The following KIF6 variants were observed in gnomAD, a reference collection of about 807,000 sequenced individuals.
KIF6 encodes the protein kinesin-like protein KIF6.
KIF6 carries 106 observed loss-of-function variants against 112.7 expected under a neutral mutation model. That is an observed-to-expected ratio of 0.94 (90% CI 0.80 to 1.11). The LOEUF (loss-of-function observed/expected upper bound fraction) is 1.11. KIF6 is among the 50% of genes least tolerant of loss of function. The probability of loss-of-function intolerance (pLI) is 0.00; values close to 1 mark genes in which losing one functional copy is unlikely to be tolerated. For missense variants in KIF6, 929 were observed against 964.0 expected, an observed-to-expected ratio of 0.96 and a Z score of 0.48; for synonymous variants, 339 against 339.9, an observed-to-expected ratio of 1.00 and a Z score of 0.03.
At chr6:39,462,313 T>A (rs1192261159) in intron 13 of KIF6, among the ~76,000 whole-genome samples, 1 of 152,190 alleles carries the variant, frequency 6.6e-6, no homozygotes, top group African/African-American at 2.4e-5. Context: ...TTATGTAATG[T>A]CTGGAGCTAT....
chr6:39,361,472 C>G (rs1413067817), intron 17 of KIF6, among the ~76,000 whole-genome samples: 1 of 147,304 alleles, frequency 6.8e-6, no homozygotes, highest in Non-Finnish European at 1.5e-5. Flanking sequence ...GGCACGAGAA[C>G]TGCTTGAACC....
chr6:39,698,563 T>A (rs1788686949), intron 3 of KIF6, among the ~76,000 whole-genome samples: 1 of 152,206 alleles, frequency 6.6e-6, no homozygotes, highest in Non-Finnish European at 1.5e-5. Flanking sequence ...TAAGAATAAT[T>A]CCTGACACAA....
At chr6:39,542,977 TA>T (rs1388521131) in intron 12 of KIF6, among the ~76,000 whole-genome samples, 3 of 152,112 alleles carry the variant, frequency 2.0e-5, no homozygotes, top group African/African-American at 7.2e-5. Context: ...TGACAGTTAG[TA>T]AAGAATCTAG....
At chr6:39,484,349 A>G (rs1774988526) in intron 13 of KIF6, among the ~76,000 whole-genome samples, 1 of 152,216 alleles carries the variant, frequency 6.6e-6, no homozygotes, top group Non-Finnish European at 1.5e-5. Flanking sequence ...TTCCACATTC[A>G]AGGAGATTAC....
intron 13 of KIF6, among the ~76,000 whole-genome samples, chr6:39,499,463 T>C (rs1289462270): frequency 6.6e-6 from 1 of 152,046 alleles, no homozygotes; most frequent in Non-Finnish European, 1.5e-5. Context: ...CTTGGGCCAA[T>C]GGGGCTGTGT....
intron 10 of KIF6, among the ~76,000 whole-genome samples, chr6:39,566,299 T>A (rs1424303447): frequency 1.3e-5 from 2 of 152,194 alleles, no homozygotes; most frequent in African/African-American, 4.8e-5. Context: ...TGCAAATTTT[T>A]AAAAAAATCA....
At chr6:39,518,292 C>A (rs1777186522) in intron 13 of KIF6, among the ~76,000 whole-genome samples, 1 of 152,066 alleles carries the variant, frequency 6.6e-6, no homozygotes. Context: ...ACTATGTGAG[C>A]TCTATGGTGT....
chr6:39,416,973 G>T (rs534410049), intron 15 of KIF6, among the ~76,000 whole-genome samples: 1 of 152,114 alleles, frequency 6.6e-6, no homozygotes, highest in Non-Finnish European at 1.5e-5. Context: ...GCACCATCCC[G>T]TGCAGACAGG....
intron 16 of KIF6, among the ~76,000 whole-genome samples, chr6:39,375,678 A>G (rs1362365212): frequency 6.6e-6 from 1 of 152,170 alleles, no homozygotes; most frequent in African/African-American, 2.4e-5. Context: ...GGATTGGACT[A>G]GAACTACAGC....
intron 19 of KIF6, among the ~76,000 whole-genome samples, chr6:39,350,888 G>A (rs1032383327): frequency 2.0e-5 from 3 of 152,172 alleles, no homozygotes; most frequent in Non-Finnish European, 4.4e-5. Flanking sequence ...GGAAATATGG[G>A]GCAGCCAGCC....
intron 20 of KIF6, chr6:39,346,240 G>A: frequency 1.6e-6 from 1 of 639,236 alleles, no homozygotes. Flanking sequence ...AACTAAATCT[G>A]CTGTGCTACG....
chr6:39,588,056 C>T (rs1781731820), intron 7 of KIF6, among the ~76,000 whole-genome samples: 1 of 152,204 alleles, frequency 6.6e-6, no homozygotes, highest in Non-Finnish European at 1.5e-5. Flanking sequence ...TGGTTTTCAT[C>T]TTTCCTCAAA....
At chr6:39,648,829 A>C (rs1369997065) in intron 3 of KIF6, among the ~76,000 whole-genome samples, 1 of 152,066 alleles carries the variant, frequency 6.6e-6, no homozygotes, top group Non-Finnish European at 1.5e-5. Context: ...GTCCTGCGTA[A>C]AGGCATGTGA....
Position 39,566,961 on chromosome 6 carries a change from C to CA in KIF6, c.1181+11094dup, listed in dbSNP as rs575893930. Among the ~76,000 whole-genome samples, 23 of 151,662 alleles carry CA rather than the reference C, an allele frequency of 1.5e-4. No homozygotes were observed. In the East Asian group the frequency reaches 2.7e-3, roughly 18 times the overall value. On this transcript the variant is annotated intron_variant, in intron 10 of 22. Coordinates refer to ENST00000287152, the MANE Select transcript of KIF6 (RefSeq NM_145027.6). Reference sequence around the variant, plus strand: ...GTAAATACAGCCAGGTAAAAATAACCAAAAAAAATCACTTGTAATTCCAGT... The same window carrying CA: ...GTAAATACAGCCAGGTAAAAATAACCAAAAAAAAATCACTTGTAATTCCAGT...
intron 13 of KIF6, among the ~76,000 whole-genome samples, chr6:39,535,201 C>A (rs1778347454): frequency 1.3e-5 from 2 of 152,166 alleles, no homozygotes; most frequent in Non-Finnish European, 2.9e-5. Flanking sequence ...GGATCAAATT[C>A]ACACATAACA....
chr6:39,592,541 G>A (rs753522859), intron 7 of KIF6, among the ~76,000 whole-genome samples: 1 of 152,320 alleles, frequency 6.6e-6, no homozygotes, highest in Non-Finnish European at 1.5e-5. Flanking sequence ...GCAGTACAGA[G>A]CAAGCACTTC....
chr6:39,460,268 G>A (rs1367423094), intron 13 of KIF6, among the ~76,000 whole-genome samples: 1 of 117,566 alleles, frequency 8.5e-6, no homozygotes, highest in Admixed American at 9.2e-5. Context: ...GTAAACTATC[G>A]CAAGAACAAA....
rs190707115 is a variant in KIF6, at chr6:39,524,708, T to C, written c.1645+15295A>G. On this transcript the variant is annotated intron_variant, in intron 13 of 22. Transcript: ENST00000287152. ...GCCTGCCCAGCTCCAGAGCCCCTTG[T>C]TAGGTCAACTGAGGCTGTTGTCAGC... Among the ~76,000 whole-genome samples the C allele has an allele frequency of 4.2e-4, 64 of 152,324 alleles. No individual in the cohort carries two copies. The East Asian group carries it at 8.9e-3, about 21-fold the overall frequency.
chr6:39,567,117 A>G (rs150013596), intron 10 of KIF6, among the ~76,000 whole-genome samples: 10 of 152,242 alleles, frequency 6.6e-5, no homozygotes, highest in Non-Finnish European at 1.5e-4. Context: ...AAAGACTTCT[A>G]TAAATGAAGT....
Sources: gnomAD v4.1 joint callset for allele counts (sites outside exome capture counted in the v4.1 genomes callset) on GRCh38, gnomAD v4.1.1 for gene constraint, MANE v1.5 for transcripts, NCBI Gene and HGNC (gene_info 2026-07-23, HGNC 2026-07-21) for gene names.